The following GPC6 variants were observed in gnomAD, a reference collection of about 807,000 sequenced individuals.
GPC6 encodes the protein glypican-6.
GPC6 carries 14 observed loss-of-function variants against 55.2 expected under a neutral mutation model. The observed-to-expected ratio is 0.25, with a 90% CI of 0.17 to 0.40. GPC6 has a LOEUF of 0.40. GPC6 is among the 10% of genes least tolerant of loss of function. The pLI is 1.00. For missense variants in GPC6, 641 were observed against 708.5 expected (o/e 0.90, Z 1.08); for synonymous variants, 278 against 259.6 (o/e 1.07, Z -0.68).
intron 1 of GPC6, among the ~76,000 whole-genome samples, chr13:93,280,885 C>G (rs985262905): frequency 6.6e-6 from 1 of 152,170 alleles, no homozygotes; most frequent in African/African-American, 2.4e-5. Flanking sequence ...CGGTTCACAA[C>G]AGGGTTCGTG....
chr13:93,659,356 A>G (rs1880823130), intron 2 of GPC6, among the ~76,000 whole-genome samples: 2 of 151,832 alleles, frequency 1.3e-5, no homozygotes, highest in Admixed American at 6.6e-5. Flanking sequence ...TTCTTTTACT[A>G]TTTTGCTTAG....
rs137998209 is a variant in GPC6, at chr13:93,940,123, T to G, written c.712-87606T>G. On this transcript the variant is annotated intron_variant, in intron 3 of 8. Transcript: ENST00000377047. ...AACCTTATTTTCTACCTTGCATCAT[T>G]ATTATTTGTACACTTTTCTTACATC... 4.2e-3 allele frequency among the ~76,000 whole-genome samples: 634 copies of G among 152,334 alleles called. 10 individuals carry two copies. Among genetic ancestry groups the G allele is most frequent in the African/African-American group, 0.015 (614 of 41,580 alleles).
intron 2 of GPC6, among the ~76,000 whole-genome samples, chr13:93,560,883 C>G (rs780557874): frequency 6.6e-6 from 1 of 152,058 alleles, no homozygotes; most frequent in African/African-American, 2.4e-5. Flanking sequence ...TGTCTTCTTG[C>G]GCATGTCAAA....
At chr13:93,287,163 C>T (rs550873323) in intron 1 of GPC6, among the ~76,000 whole-genome samples, 2 of 152,074 alleles carry the variant, frequency 1.3e-5, no homozygotes, top group African/African-American at 2.4e-5. Flanking sequence ...ATGTCTGAAA[C>T]CTTGGGTCCA....
intron 4 of GPC6, among the ~76,000 whole-genome samples, chr13:94,204,679 T>C (rs1274306772): frequency 6.6e-6 from 1 of 152,196 alleles, no homozygotes; most frequent in Non-Finnish European, 1.5e-5. Context: ...CAGACAAATG[T>C]GAAATTCAGT....
intron 1 of GPC6, among the ~76,000 whole-genome samples, chr13:93,229,258 C>A (rs1203442509): frequency 2.6e-5 from 4 of 151,164 alleles, no homozygotes; most frequent in Admixed American, 2.6e-4. Flanking sequence ...TTTTTTCCCT[C>A]CCCAAATCTC....
intron 2 of GPC6, among the ~76,000 whole-genome samples, chr13:93,764,511 T>C (rs1885048795): frequency 6.6e-6 from 1 of 152,046 alleles, no homozygotes; most frequent in South Asian, 2.1e-4. Context: ...AATTTGAGAC[T>C]TTTTGGGATA....
intron 2 of GPC6, among the ~76,000 whole-genome samples, chr13:93,584,811 C>T (rs1050596726): frequency 6.7e-6 from 1 of 150,328 alleles, no homozygotes; most frequent in African/African-American, 2.5e-5. Context: ...ACCTTAGTCT[C>T]CAAAGTAGCT....
intron 1 of GPC6, among the ~76,000 whole-genome samples, chr13:93,399,546 C>T (rs1325854344): frequency 2.0e-5 from 3 of 152,176 alleles, no homozygotes; most frequent in African/African-American, 4.8e-5. Context: ...TACGCATACA[C>T]GAGATGCTGA....
rs184905028 is a variant in GPC6 at position 93,988,419 on chromosome 13, T to C, written c.712-39310T>C. 6.4e-4 allele frequency among the ~76,000 whole-genome samples: 98 copies of C among 152,298 alleles called. 1 individual carries two copies. Among genetic ancestry groups the C allele is most frequent in the African/African-American group, 2.3e-3 (95 of 41,552 alleles). ...CCTTTCGGATAGGACTTCTGCTATA[T>C]AGAGAAGCACTATATAAGTTAATAT... On this transcript the variant is annotated intron_variant, in intron 3 of 8. Transcript: ENST00000377047.
intron 1 of GPC6, among the ~76,000 whole-genome samples, chr13:93,300,716 T>G (rs1878647620): frequency 6.7e-6 from 1 of 148,648 alleles, no homozygotes; most frequent in South Asian, 2.1e-4. Flanking sequence ...GTTCTTTCCT[T>G]TATATAGAAT....
rs1187716965 is a variant in GPC6, at chr13:93,230,307, G to A, written c.160+2691G>A. 5.9e-5 allele frequency among the ~76,000 whole-genome samples: 9 copies of A among 152,218 alleles called. No homozygotes were observed. In the East Asian group the frequency reaches 1.7e-3, roughly 29 times the overall value. On this transcript the variant is annotated intron_variant, in intron 1 of 8. Coordinates refer to ENST00000377047, the MANE Select transcript of GPC6 (RefSeq NM_005708.5). ...TCAGAACTCACAATTGTGAAATAGT[G>A]TTGCCCTTTTCTATTCTAGGATAGA...
chr13:93,589,351 C>T (rs553514441), intron 2 of GPC6, among the ~76,000 whole-genome samples: 1 of 152,182 alleles, frequency 6.6e-6, no homozygotes, highest in Admixed American at 6.5e-5. Context: ...CTAAATTTAC[C>T]ATTAACATTT....
intron 3 of GPC6, among the ~76,000 whole-genome samples, chr13:93,902,481 C>G (rs1040680412): frequency 4.6e-5 from 7 of 152,036 alleles, no homozygotes; most frequent in African/African-American, 1.7e-4. Flanking sequence ...TCGGTTGATT[C>G]CTTATCTTGA....
chr13:93,612,931 A>G (rs1469822073), intron 2 of GPC6, among the ~76,000 whole-genome samples: 1 of 152,196 alleles, frequency 6.6e-6, no homozygotes, highest in Non-Finnish European at 1.5e-5. Flanking sequence ...AACTGCTCCT[A>G]GATACCAGGG....
chr13:93,421,884 A>G (rs1876935618), intron 1 of GPC6, among the ~76,000 whole-genome samples: 2 of 152,192 alleles, frequency 1.3e-5, no homozygotes, highest in Admixed American at 1.3e-4. Flanking sequence ...CATTTGCTTC[A>G]TATGCACAGT....
chr13:93,543,155 TG>T (rs1431164892), intron 1 of GPC6, among the ~76,000 whole-genome samples: 1 of 152,102 alleles, frequency 6.6e-6, no homozygotes, highest in East Asian at 1.9e-4. Flanking sequence ...ATATTGGCTG[TG>T]GGTTTGTCAT....
At chr13:93,682,375 A>G (rs1881876213) in intron 2 of GPC6, among the ~76,000 whole-genome samples, 1 of 152,160 alleles carries the variant, frequency 6.6e-6, no homozygotes, top group African/African-American at 2.4e-5. Flanking sequence ...CCATCCAGCC[A>G]TGAGTGCGAC....
chr13:94,184,232 C>T (rs1889094954), intron 4 of GPC6, among the ~76,000 whole-genome samples: 1 of 151,920 alleles, frequency 6.6e-6, no homozygotes, highest in African/African-American at 2.4e-5. Context: ...GAATTTTTGG[C>T]TAAATCTCCC....
Sources: allele counts gnomAD v4.1 joint callset (sites outside exome capture counted in the v4.1 genomes callset), GRCh38; gene constraint gnomAD v4.1.1; transcripts MANE v1.5; gene names NCBI Gene and HGNC (gene_info 2026-07-23, HGNC 2026-07-21).